The following RBFOX1 variants were observed in gnomAD, a reference collection of about 807,000 sequenced individuals.
RBFOX1 encodes RNA binding protein fox-1 homolog 1.
RBFOX1 carries 8 observed loss-of-function variants against 57.7 expected under a neutral mutation model. The observed-to-expected ratio is 0.14, with a 90% CI of 0.08 to 0.25. RBFOX1 has a LOEUF of 0.25. Ranked by LOEUF, RBFOX1 falls within the 10% of genes least tolerant of loss-of-function variation. RBFOX1 has a pLI of 1.00. For missense variants in RBFOX1, 611 were observed against 548.5 expected (o/e 1.11, Z -1.14); for synonymous variants, 326 against 222.4 (o/e 1.47, Z -4.15).
chr16:5,729,983 C>T (rs1365704729), intron 3 of RBFOX1, among the ~76,000 whole-genome samples: 6 of 152,182 alleles, frequency 3.9e-5, no homozygotes, highest in South Asian at 2.1e-4. Flanking sequence ...TGTGCTTTGC[C>T]TCTGGTCCAT....
intron 13 of RBFOX1, among the ~76,000 whole-genome samples, chr16:7,665,833 G>C (rs914553515): frequency 2.0e-5 from 3 of 152,094 alleles, no homozygotes; most frequent in African/African-American, 7.2e-5. Flanking sequence ...TCATATTTCT[G>C]ATGAAATTGG....
At chr16:6,334,684 C>G (rs1254896624) in intron 2 of RBFOX1, among the ~76,000 whole-genome samples, 1 of 152,120 alleles carries the variant, frequency 6.6e-6, no homozygotes, top group East Asian at 1.9e-4. Flanking sequence ...TAGATTTCTT[C>G]TTGCTTGCCA....
chr16:6,046,461 G>C (rs769240224), intron 1 of RBFOX1, among the ~76,000 whole-genome samples: 7 of 152,186 alleles, frequency 4.6e-5, no homozygotes, highest in Non-Finnish European at 7.3e-5. Flanking sequence ...TTCAAGTGCG[G>C]ATTTAAGAAT....
intron 4 of RBFOX1, among the ~76,000 whole-genome samples, chr16:5,944,790 T>TGAAAAAAAAAAAAAAAAAAAAAA (rs2059360399): frequency 2.4e-5 from 1 of 41,258 alleles, no homozygotes; most frequent in Non-Finnish European, 4.8e-5. Context: ...CTGTCTCTGC[T>TGAAAAAAAAAAAAAAAAAAAAAA]AAAAAAAAAA....
chr16:7,199,350 G>C (rs1269199832), intron 4 of RBFOX1, among the ~76,000 whole-genome samples: 1 of 151,878 alleles, frequency 6.6e-6, no homozygotes, highest in Non-Finnish European at 1.5e-5. Context: ...TTTATCATTT[G>C]AAAAATCGAA....
chr16:5,903,562 C>A (rs547892398), intron 4 of RBFOX1, among the ~76,000 whole-genome samples: 1 of 152,250 alleles, frequency 6.6e-6, no homozygotes, highest in East Asian at 1.9e-4. Flanking sequence ...AGGCAGGGGC[C>A]AGCCAGACAA....
At chr16:6,026,805 A>G (rs914858663) in intron 1 of RBFOX1, among the ~76,000 whole-genome samples, 10 of 152,140 alleles carry the variant, frequency 6.6e-5, no homozygotes, top group African/African-American at 2.4e-4. Flanking sequence ...ATCTAGGCTC[A>G]CGCTCTGAGT....
intron 3 of RBFOX1, among the ~76,000 whole-genome samples, chr16:6,777,387 G>A (rs530022616): frequency 3.3e-5 from 5 of 152,210 alleles, no homozygotes; most frequent in Admixed American, 1.3e-4. Flanking sequence ...AAAGAGAACC[G>A]AGGCAGGCGC....
chr16:6,825,971 C>T (rs1431637206), intron 3 of RBFOX1, among the ~76,000 whole-genome samples: 15 of 152,112 alleles, frequency 9.9e-5, no homozygotes, highest in Non-Finnish European at 1.5e-5. Context: ...TACGAGTTTC[C>T]ATGTCTGCAA....
chr16:5,251,481 C>A (rs566973479), intron 1 of RBFOX1, among the ~76,000 whole-genome samples: 1 of 152,180 alleles, frequency 6.6e-6, no homozygotes, highest in Non-Finnish European at 1.5e-5. Flanking sequence ...CAGAGCCACC[C>A]CTAGTACCTG....
chr16:6,373,775 G>A (rs908974955), intron 2 of RBFOX1, among the ~76,000 whole-genome samples: 2 of 152,162 alleles, frequency 1.3e-5, no homozygotes, highest in Admixed American at 1.3e-4. Flanking sequence ...CATTATGTGG[G>A]AAGACGGTTG....
At chr16:5,945,864 A>G (rs951607751) in intron 4 of RBFOX1, among the ~76,000 whole-genome samples, 1 of 152,170 alleles carries the variant, frequency 6.6e-6, no homozygotes, top group African/African-American at 2.4e-5. Context: ...TCCATCCATC[A>G]GTATTTCAAA....
intron 1 of RBFOX1, among the ~76,000 whole-genome samples, chr16:5,373,466 C>T (rs891624765): frequency 6.6e-6 from 1 of 152,154 alleles, no homozygotes; most frequent in African/African-American, 2.4e-5. Context: ...TCTCCCTTCA[C>T]TTTCTCTTCC....
intron 4 of RBFOX1, among the ~76,000 whole-genome samples, chr16:5,979,258 C>A (rs1464462867): frequency 2.6e-5 from 4 of 152,128 alleles, no homozygotes; most frequent in Non-Finnish European, 5.9e-5. Context: ...TTTTCTTGAT[C>A]TGATGAGCGT....
chr16:7,709,134 G>C lies in RBFOX1; in HGVS notation c.1071+3G>C. The C allele has an allele frequency of 6.2e-7, 1 of 1,610,834 alleles. No individual in the cohort carries two copies. Among genetic ancestry groups the C allele is most frequent in the East Asian group, 2.2e-5 (1 of 44,784 alleles). Reference sequence around the variant, plus strand: ...CCACCTACGGCGTTGGTGCCATGGTGAGTACAAGTTTCTCCTTGTCCTCAC... The same window carrying C: ...CCACCTACGGCGTTGGTGCCATGGTCAGTACAAGTTTCTCCTTGTCCTCAC... On this transcript the variant is annotated splice_donor_region_variant and intron_variant, in intron 15 of 15. Coordinates refer to ENST00000550418, the MANE Select transcript of RBFOX1 (RefSeq NM_018723.4).
intron 3 of RBFOX1, among the ~76,000 whole-genome samples, chr16:5,845,847 A>C (rs1597468095): frequency 6.6e-6 from 1 of 152,162 alleles, no homozygotes; most frequent in Admixed American, 6.5e-5. Context: ...GGGGGACCTC[A>C]TCTATCTTTT....
intron 2 of RBFOX1, among the ~76,000 whole-genome samples, chr16:5,485,173 C>T (rs1448598425): frequency 1.3e-5 from 2 of 151,502 alleles, no homozygotes; most frequent in African/African-American, 2.4e-5. Flanking sequence ...GGAGAAACCC[C>T]GTCTCTACTA....
intron 4 of RBFOX1, among the ~76,000 whole-genome samples, chr16:7,408,314 C>T (rs1490191819): frequency 6.6e-6 from 1 of 152,108 alleles, no homozygotes; most frequent in Non-Finnish European, 1.5e-5. Flanking sequence ...GATGACAATA[C>T]AGCAGAAGAA....
intron 4 of RBFOX1, among the ~76,000 whole-genome samples, chr16:5,974,186 A>C (rs1010982091): frequency 1.3e-5 from 2 of 152,198 alleles, no homozygotes; most frequent in African/African-American, 2.4e-5. Flanking sequence ...GCAATGCCAG[A>C]TCCAATTTGG....
Sources: allele counts gnomAD v4.1 joint callset (sites outside exome capture counted in the v4.1 genomes callset), GRCh38; gene constraint gnomAD v4.1.1; transcripts MANE v1.5; gene names NCBI Gene and HGNC (gene_info 2026-07-23, HGNC 2026-07-21).